Variants in SKAP2 observed in about 807,000 individuals in gnomAD.
SKAP2 encodes src kinase-associated phosphoprotein 2.
In SKAP2, 28 loss-of-function variants were observed where a neutral mutation model predicts 54.9. The ratio of observed to expected loss-of-function variants is 0.51; its 90% CI spans 0.38 to 0.70. The LOEUF (loss-of-function observed/expected upper bound fraction) is 0.70, where lower values mean the gene tolerates loss of function less well. Among genes scored for constraint, SKAP2 ranks in the 30% least tolerant of loss-of-function variants. The probability of loss-of-function intolerance (pLI) is 0.00; values close to 1 mark genes in which losing one functional copy is unlikely to be tolerated. For synonymous variants in SKAP2, 137 were observed against 134.3 expected, an observed-to-expected ratio of 1.02 and a Z score of -0.14; for missense variants, 356 against 424.1, an observed-to-expected ratio of 0.84 and a Z score of 1.41.
At chr7:26,790,705 G>A (rs1263341851) in intron 4 of SKAP2, among the ~76,000 whole-genome samples, 2 of 152,156 alleles carry the variant, frequency 1.3e-5, no homozygotes, top group Non-Finnish European at 2.9e-5. Flanking sequence ...GGATAAAAGA[G>A]TGAAGACTTT....
intron 4 of SKAP2, among the ~76,000 whole-genome samples, chr7:26,826,706 T>A (rs1412484392): frequency 1.3e-5 from 2 of 152,204 alleles, no homozygotes; most frequent in Non-Finnish European, 2.9e-5. Context: ...ATTAAACCAA[T>A]CTGCCTTGAA....
At chr7:26,742,809 T>C (rs758855891) in intron 4 of SKAP2, among the ~76,000 whole-genome samples, 7 of 152,176 alleles carry the variant, frequency 4.6e-5, no homozygotes, top group Non-Finnish European at 8.8e-5. Context: ...GGTTTGTATA[T>C]CATCATGAGC....
chr7:26,809,559 C>T (rs963735675), intron 4 of SKAP2, among the ~76,000 whole-genome samples: 2 of 152,144 alleles, frequency 1.3e-5, no homozygotes, highest in African/African-American at 4.8e-5. Flanking sequence ...TGAGATAACA[C>T]CTCACACCTG....
intron 4 of SKAP2, among the ~76,000 whole-genome samples, chr7:26,799,092 G>GGGCAAGGCAA (rs1382052905): frequency 2.1e-5 from 3 of 145,014 alleles, no homozygotes; most frequent in East Asian, 2.0e-4. Flanking sequence ...AGGCAGGGCA[G>GGGCAAGGCAA]GGCAAGGCAA....
intron 4 of SKAP2, among the ~76,000 whole-genome samples, chr7:26,781,945 T>C (rs1397780689): frequency 6.6e-6 from 1 of 152,216 alleles, no homozygotes. Context: ...CCTGAATAGA[T>C]CAAGTTTCCC....
intron 9 of SKAP2, among the ~76,000 whole-genome samples, chr7:26,715,345 CT>C (rs1156997039): frequency 2.1e-5 from 3 of 143,928 alleles, no homozygotes; most frequent in African/African-American, 8.8e-5. Context: ...AAAATCTGAT[CT>C]TTTTTTTACA....
At chr7:26,712,774 T>C (rs1220355766) in intron 9 of SKAP2, among the ~76,000 whole-genome samples, 2 of 152,230 alleles carry the variant, frequency 1.3e-5, no homozygotes, top group Non-Finnish European at 2.9e-5. Flanking sequence ...TACATTCTTT[T>C]GATGAGCTAG....
At chr7:26,687,799 T>C (rs978213806) in intron 10 of SKAP2, among the ~76,000 whole-genome samples, 2 of 152,202 alleles carry the variant, frequency 1.3e-5, no homozygotes, top group Non-Finnish European at 2.9e-5. Flanking sequence ...AGTTGAGATA[T>C]GTATTTTTAA....
intron 4 of SKAP2, among the ~76,000 whole-genome samples, chr7:26,784,514 C>CT (rs1192427468): frequency 1.3e-5 from 2 of 152,206 alleles, no homozygotes; most frequent in Non-Finnish European, 2.9e-5. Flanking sequence ...CTCCATGTTG[C>CT]TGTCTGTGGC....
intron 9 of SKAP2, among the ~76,000 whole-genome samples, chr7:26,714,354 G>A: frequency 6.6e-6 from 1 of 152,134 alleles, no homozygotes; most frequent in Non-Finnish European, 1.5e-5. Context: ...AGGGGCTAAT[G>A]GATAAGTGGC....
chr7:26,792,695 A>T (rs1783695792), intron 4 of SKAP2, among the ~76,000 whole-genome samples: 1 of 152,142 alleles, frequency 6.6e-6, no homozygotes. Context: ...AGAGTGAGTG[A>T]GCTGTTCCAA....
At chr7:26,677,511 G>T (rs1363345756) in intron 11 of SKAP2, among the ~76,000 whole-genome samples, 1 of 151,872 alleles carries the variant, frequency 6.6e-6, no homozygotes, top group Non-Finnish European at 1.5e-5. Flanking sequence ...GTTCTTCTAG[G>T]TTTTATATGT....
intron 4 of SKAP2, among the ~76,000 whole-genome samples, chr7:26,794,120 A>T (rs913862562): frequency 1.3e-5 from 2 of 152,226 alleles, no homozygotes; most frequent in African/African-American, 4.8e-5. Context: ...TTAAGTTGAT[A>T]CTTTTTCTCA....
At chr7:26,753,452 T>C (rs1050279311) in intron 4 of SKAP2, among the ~76,000 whole-genome samples, 2 of 152,204 alleles carry the variant, frequency 1.3e-5, no homozygotes, top group Non-Finnish European at 2.9e-5. Context: ...TAACGTTCAC[T>C]GCAAAATAAA....
intron 9 of SKAP2, among the ~76,000 whole-genome samples, chr7:26,722,284 T>C (rs1355887221): frequency 6.6e-6 from 1 of 151,994 alleles, no homozygotes; most frequent in Non-Finnish European, 1.5e-5. Flanking sequence ...CAGAAGGTAC[T>C]GTAATGAAGT....
intron 3 of SKAP2, among the ~76,000 whole-genome samples, chr7:26,852,142 G>C (rs1393200871): frequency 1.3e-5 from 2 of 152,042 alleles, no homozygotes; most frequent in Non-Finnish European, 2.9e-5. Context: ...AGACCTTCTT[G>C]GATAAAGATA....
Position 26,668,317 on chromosome 7 carries a change from A to G in SKAP2, c.*1349T>C, listed in dbSNP as rs1269692514. ...TATCTAACCAGCAATGCATTTTGACATATGTTAAGGCTACATTGGTATCTC... is the reference window on the plus strand; with the variant it reads ...TATCTAACCAGCAATGCATTTTGACGTATGTTAAGGCTACATTGGTATCTC... On this transcript the variant is annotated 3_prime_UTR_variant, in exon 13 of 13. Coordinates refer to ENST00000345317, the MANE Select transcript of SKAP2 (RefSeq NM_003930.5). 6.6e-6 allele frequency: 1 copy of G among 152,246 alleles called. No homozygotes were observed. Among genetic ancestry groups the G allele is most frequent in the Non-Finnish European group, 1.5e-5 (1 of 68,042 alleles). The allele number at this position is 152,246 out of a possible 1,614,324, so 9.4% of individuals were successfully genotyped here. A position where few individuals can be genotyped will look rare whatever the true frequency, so the allele number is the denominator to read the frequency against.
intron 9 of SKAP2, among the ~76,000 whole-genome samples, chr7:26,699,232 A>G (rs929426770): frequency 3.3e-5 from 5 of 152,218 alleles, no homozygotes; most frequent in Non-Finnish European, 7.3e-5. Context: ...ACCTGCAAGT[A>G]AAGTACCTCC....
At chr7:26,828,974 A>G (rs1049394050) in intron 4 of SKAP2, among the ~76,000 whole-genome samples, 3 of 152,044 alleles carry the variant, frequency 2.0e-5, no homozygotes, top group Non-Finnish European at 4.4e-5. Flanking sequence ...GGTTGCGGTG[A>G]GCTAAGATCG....
Sources: gnomAD v4.1 joint callset for allele counts (sites outside exome capture counted in the v4.1 genomes callset) on GRCh38, gnomAD v4.1.1 for gene constraint, MANE v1.5 for transcripts, NCBI Gene and HGNC (gene_info 2026-07-23, HGNC 2026-07-21) for gene names.